Variants in DST observed in about 807,000 individuals in gnomAD.
The protein encoded by DST is bullous pemphigoid antigen.
A neutral mutation model predicts 875.2 loss-of-function variants in DST; 253 were observed. That is an observed-to-expected ratio of 0.29 (90% confidence interval 0.26 to 0.32). The LOEUF (loss-of-function observed/expected upper bound fraction) is 0.32. DST is among the 10% of genes least tolerant of loss of function. The pLI is 1.00. For missense variants in DST, 8,287 were observed against 9,111.6 expected, an observed-to-expected ratio of 0.91 and a Z score of 3.68; for synonymous variants, 3,124 against 3,197.1, an observed-to-expected ratio of 0.98 and a Z score of 0.77.
At chr6:56,777,903 A>G (rs1187547088) in intron 4 of DST, among the ~76,000 whole-genome samples, 1 of 151,840 alleles carries the variant, frequency 6.6e-6, no homozygotes, top group Non-Finnish European at 1.5e-5. Context: ...GGGTTTCACC[A>G]TGTTGCCCAG....
At chr6:56,506,368 T>G in intron 77 of DST, 75 bp downstream of exon 77, 3 of 1,195,134 alleles carry the variant, frequency 2.5e-6, no homozygotes, top group Non-Finnish European at 3.5e-6. Context: ...CTTGAGGTGG[T>G]GCCAATATGT....
intron 4 of DST, among the ~76,000 whole-genome samples, chr6:56,834,828 T>C (rs185852769): frequency 6.4e-4 from 98 of 152,270 alleles, no homozygotes; most frequent in Non-Finnish European, 1.0e-3. Flanking sequence ...AAACGTACCA[T>C]ACAATCTAGC....
chr6:56,694,458 T>C lies in DST; in HGVS notation c.1047+5195A>G, dbSNP rs538374464. Among the ~76,000 whole-genome samples, 63 of 152,222 alleles carry C rather than the reference T, an allele frequency of 4.1e-4. 1 individual carries two copies. The highest frequency in any genetic ancestry group is 1.4e-3 in the African/African-American group (59 of 41,536). On this transcript the variant is annotated intron_variant, in intron 9 of 103. Coordinates refer to ENST00000680361, the MANE Select transcript of DST (RefSeq NM_001374736.1). ...TTTCCTTAATCATTTAAAAACATTC[T>C]CCGGTAGCAAAAACTGAACATCCCA...
chr6:56,817,655 G>T (rs2099768165), intron 4 of DST, among the ~76,000 whole-genome samples: 1 of 152,196 alleles, frequency 6.6e-6, no homozygotes, highest in East Asian at 1.9e-4. Flanking sequence ...ATTTTTATGT[G>T]TTAAAGGAAA....
In DST at chr6:56,607,424, T is replaced by C. The variant is rs1215092291; in HGVS notation, c.7204A>G (p.Ile2402Val). The change falls in exon 40 of 104, where the codon ATT (isoleucine) becomes GTT (valine). Residue 2402 changes from isoleucine (I) to valine (V), a missense_variant. This residue lies in a region of DST where 3,138 missense variants were observed against 3,116.6 expected (regional missense o/e 1.01). Coordinates refer to ENST00000680361, the MANE Select transcript of DST (RefSeq NM_001374736.1). ...NFPSDLIENP[I>V]MKSKMSKFCG... ...AATTTACTCATTTTTGATTTCATAA[T>C]AGGATTTTCTATTAAATCACTTGGA... 2 of 1,610,310 alleles carry C rather than the reference T, an allele frequency of 1.2e-6. No individual in the cohort carries two copies. Among genetic ancestry groups the C allele is most frequent in the Middle Eastern group, 1.7e-4 (1 of 6,052 alleles).
rs1562272106 is a variant in DST, at chr6:56,482,081, T to C, written c.21500A>G (p.Asp7167Gly). The C allele has an allele frequency of 6.2e-7, 1 of 1,613,782 alleles. No homozygotes were observed. The highest frequency in any genetic ancestry group is 8.5e-7 in the Non-Finnish European group (1 of 1,179,820). The change falls in exon 90 of 104, where the codon GAT becomes GGT. Residue 7167 changes from aspartate to glycine, a missense_variant. By Grantham distance (94) the Asp-to-Gly change is moderately conservative (BLOSUM62 -1). Coordinates refer to ENST00000680361, the MANE Select transcript of DST (RefSeq NM_001374736.1). ...CTGATCAATGAGAGTCCGGAGAGCA[T>C]CCTCATCATCTGGGAGGACACCATG... ...RFHGVLPDDE[D>G]ALRTLIDQHK...
At chr6:56,614,916 C>T (rs2098597597) in intron 36 of DST, 2 of 990,556 alleles carry the variant, frequency 2.0e-6, no homozygotes, top group Non-Finnish European at 2.4e-6. Flanking sequence ...GAAAATCCTT[C>T]CCCTCCTCCA....
At chr6:56,843,194 T>C in intron 4 of DST, 1 of 1,501,196 alleles carries the variant, frequency 6.7e-7, no homozygotes, top group South Asian at 1.4e-5. Context: ...CTCCCCCTCG[T>C]AACCCCCGGA....
chr6:56,555,268 T>C (rs1278852156), intron 60 of DST, 77 bp downstream of exon 60: 67 of 1,471,396 alleles, frequency 4.6e-5, no homozygotes, highest in Non-Finnish European at 5.6e-5. Context: ...TCCTGGATTA[T>C]TGGCAACATC....
At chr6:56,568,194 G>A (rs1475974165) in intron 55 of DST, among the ~76,000 whole-genome samples, 1 of 152,082 alleles carries the variant, frequency 6.6e-6, no homozygotes, top group Non-Finnish European at 1.5e-5. Context: ...AATATGATCT[G>A]TTCCCTTCCC....
intron 84 of DST, 126 bp downstream of exon 84, chr6:56,492,808 G>T (rs1319194344): frequency 3.7e-6 from 3 of 814,760 alleles, no homozygotes; most frequent in African/African-American, 1.8e-5. Flanking sequence ...GGAGGCAGAG[G>T]TTGAAGTAAG....
intron 4 of DST, among the ~76,000 whole-genome samples, chr6:56,775,228 T>G (rs1409795409): frequency 6.6e-6 from 1 of 152,116 alleles, no homozygotes; most frequent in Non-Finnish European, 1.5e-5. Context: ...CTCCTCATCC[T>G]CTTCAGCCAA....
rs772765423 is a variant in DST, at chr6:56,651,219, C to G, written c.1240G>C (p.Val414Leu). ...TTTGCAAGGTTGCTTTGAACAGCAA[C>G]AGTATTCATATCTATCAGGTCCGGC... ...YRPDLIDMNT[V>L]AVQSNLANLE... is the part of the protein sequence containing the mutation. The change falls in exon 11 of 104, where the codon GTT becomes CTT. Residue 414 changes from valine (V) to leucine (L), a missense_variant. By Grantham distance (32) the Val-to-Leu change is conservative. Transcript: ENST00000680361. 3.7e-6 allele frequency: 6 copies of G among 1,609,026 alleles called. No individual in the cohort carries two copies. Among genetic ancestry groups the G allele is most frequent in the Non-Finnish European group, 5.1e-6 (6 of 1,177,490 alleles).
At chr6:56,695,181 A>C (rs1588731621) in intron 9 of DST, among the ~76,000 whole-genome samples, 1 of 145,350 alleles carries the variant, frequency 6.9e-6, no homozygotes, top group African/African-American at 2.6e-5. Flanking sequence ...GGTACCTCCT[A>C]CCCCTCCTCC....
chr6:56,672,983 G>C (rs57127503), intron 9 of DST, among the ~76,000 whole-genome samples: 14 of 152,212 alleles, frequency 9.2e-5, no homozygotes, highest in Middle Eastern at 6.8e-3. Context: ...GGCCAGGCAC[G>C]GTGGCTCACG....
chr6:56,524,260 A>C (rs79121715), intron 69 of DST, among the ~76,000 whole-genome samples: 4,540 of 151,532 alleles, frequency 0.03, 232 homozygotes, highest in African/African-American at 0.1. Flanking sequence ...ACAGGTACCT[A>C]CTACTCTATT....
rs1251570778 is a variant in DST at position 56,458,172 on chromosome 6, A to C, written c.*833T>G. ...TTTTAAGTATCTTTTGGTCACTCCA[A>C]ATTGATATTGCTCATAAAAAAATAC... On this transcript the variant is annotated 3_prime_UTR_variant, in exon 104 of 104. Transcript: ENST00000680361. The C allele has an allele frequency of 6.6e-6, 1 of 152,622 alleles. No homozygotes were observed. The highest frequency in any genetic ancestry group is 1.5e-5 in the Non-Finnish European group (1 of 68,040). The allele number at this position is 152,622 out of a possible 1,614,324, so 9.5% of individuals were successfully genotyped here. A position where few individuals can be genotyped will look rare whatever the true frequency, so the allele number is the denominator to read the frequency against.
At chr6:56,888,317 A>G (rs761982141) in intron 3 of DST, among the ~76,000 whole-genome samples, 2 of 152,220 alleles carry the variant, frequency 1.3e-5, no homozygotes, top group Non-Finnish European at 2.9e-5. Context: ...ATATGTAGCA[A>G]AGACTCAGTA....
Position 56,509,679 on chromosome 6 carries a change from A to G in DST, c.18975T>C (p.Ala6325=), listed in dbSNP as rs1230351136. ...TLKQRGEEMI[A]RSGGTDKDIS... ...TGTCTTTATCAGTCCCCCCAGATCT[A>G]GCAATCATTTCCTCTCCCCTCTGTT... The change falls in exon 74 of 104, where the codon GCT becomes GCC. Residue 6325 remains alanine (A), a synonymous_variant. Transcript: ENST00000680361. 5 of 1,613,686 alleles carry G rather than the reference A, an allele frequency of 3.1e-6. No individual in the cohort carries two copies. The highest frequency in any genetic ancestry group is 1.3e-5 in the African/African-American group (1 of 75,040).
Sources: allele counts gnomAD v4.1 joint callset (sites outside exome capture counted in the v4.1 genomes callset), GRCh38; gene constraint gnomAD v4.1.1; regional missense constraint gnomAD v4.1.1; transcripts MANE v1.5; gene names NCBI Gene and HGNC (gene_info 2026-07-23, HGNC 2026-07-21).